ANXA4: variants seen among roughly 807,000 people sequenced by gnomAD.
The protein encoded by ANXA4 is annexin A4, also known as 35-beta calcimedin.
Under a neutral mutation model 49.8 loss-of-function variants are expected in ANXA4, and 39 were observed. That is an observed-to-expected ratio of 0.78 (90% CI 0.61 to 1.02). ANXA4 has a LOEUF of 1.02. Ranked by LOEUF, ANXA4 falls within the 50% of genes least tolerant of loss-of-function variation. The pLI is 0.00. For missense variants in ANXA4, 360 were observed against 410.1 expected (o/e 0.88, Z 1.05); for synonymous variants, 134 against 152.5 (o/e 0.88, Z 0.89).
At chr2:69,768,478 G>C (rs1293064496) in intron 1 of ANXA4, among the ~76,000 whole-genome samples, 1 of 152,158 alleles carries the variant, frequency 6.6e-6, no homozygotes, top group East Asian at 1.9e-4. Flanking sequence ...CATCTCTGTA[G>C]CTTCCAGGAT....
chr2:69,650,011 C>G (rs978844641), intron 1 of ANXA4, among the ~76,000 whole-genome samples: 5 of 138,672 alleles, frequency 3.6e-5, no homozygotes, highest in African/African-American at 1.4e-4. Flanking sequence ...TCTCGGCTGA[C>G]TGCAGCCACC....
intron 8 of ANXA4, among the ~76,000 whole-genome samples, chr2:69,813,437 G>T (rs964576863): frequency 6.6e-6 from 1 of 152,106 alleles, no homozygotes; most frequent in South Asian, 2.1e-4. Context: ...TTTTAGTAGA[G>T]ACGGGTTTTC....
intron 3 of ANXA4, among the ~76,000 whole-genome samples, chr2:69,730,864 G>T (rs1007987344): frequency 2.6e-5 from 4 of 152,158 alleles, no homozygotes; most frequent in Non-Finnish European, 5.9e-5. Flanking sequence ...ATGTAGGAAC[G>T]GGAGGAGGCA....
chr2:69,763,720 T>G (rs1671388130), intron 1 of ANXA4, among the ~76,000 whole-genome samples: 1 of 151,144 alleles, frequency 6.6e-6, no homozygotes, highest in Admixed American at 6.6e-5. Flanking sequence ...TGGAGTGCAG[T>G]GGCGTGATCT....
rs372749631 is a variant in ANXA4 at position 69,648,820 on chromosome 2, C to CAA, written n.481+3936_481+3937dup. Among the ~76,000 whole-genome samples, 330 of 44,478 alleles carry CAA rather than the reference C, an allele frequency of 7.4e-3. 11 individuals are homozygous for CAA. Among genetic ancestry groups the CAA allele is most frequent in the African/African-American group, 0.026 (299 of 11,592 alleles). The allele number at this position is 44,478 out of a possible 152,430, so 29.2% of individuals were successfully genotyped here. ...GGGGAGACAGAGTAAGACTCAGTCTCAAAAAAAAAAAAAAAAAAAAAAGAC... is the reference window on the plus strand; with the variant it reads ...GGGGAGACAGAGTAAGACTCAGTCTCAAAAAAAAAAAAAAAAAAAAAAAAGAC... On this transcript the variant is annotated intron_variant and non_coding_transcript_variant, in intron 1 of 3. Coordinates refer to the ANXA4 transcript ENST00000418066.
At chr2:69,763,929 G>A (rs909101342) in intron 1 of ANXA4, among the ~76,000 whole-genome samples, 1 of 152,076 alleles carries the variant, frequency 6.6e-6, no homozygotes, top group Non-Finnish European at 1.5e-5. Context: ...CCAAAGTGCT[G>A]GGATTACAGA....
intron 1 of ANXA4, among the ~76,000 whole-genome samples, chr2:69,756,939 T>C (rs1251496665): frequency 1.3e-5 from 2 of 149,934 alleles, no homozygotes; most frequent in Non-Finnish European, 3.0e-5. Context: ...TTATTATTTT[T>C]TTTTTTTAGA....
chr2:69,765,512 T>C (rs1363235074), intron 1 of ANXA4, among the ~76,000 whole-genome samples: 2 of 152,186 alleles, frequency 1.3e-5, no homozygotes, highest in Non-Finnish European at 2.9e-5. Context: ...AACATTTTCA[T>C]CACCCCTTGA....
intron 1 of ANXA4, among the ~76,000 whole-genome samples, chr2:69,764,053 G>A (rs2105533910): frequency 6.6e-6 from 1 of 152,234 alleles, no homozygotes; most frequent in East Asian, 1.9e-4. Context: ...GCCAACCTTG[G>A]AATTTGGTCT....
chr2:69,730,867 A>C (rs1386508803), intron 3 of ANXA4, among the ~76,000 whole-genome samples: 1 of 152,292 alleles, frequency 6.6e-6, no homozygotes, highest in African/African-American at 2.4e-5. Context: ...TAGGAACGGG[A>C]GGAGGCACTA....
At chr2:69,806,360 G>A (rs1673441449) in intron 4 of ANXA4, 25 bp from the exon 5 acceptor site, 1 of 1,549,762 alleles carries the variant, frequency 6.5e-7, no homozygotes, top group African/African-American at 1.4e-5. Context: ...TAGCAGTTAA[G>A]CGGAGCTACT....
At chr2:69,768,423 T>C (rs1671579794) in intron 1 of ANXA4, among the ~76,000 whole-genome samples, 2 of 152,112 alleles carry the variant, frequency 1.3e-5, no homozygotes, top group Admixed American at 1.3e-4. Context: ...GAGAGGACCA[T>C]TGAGAAAGGT....
At position 69,656,551 on chromosome 2, in the gene ANXA4, C is replaced by CTTTTTTT. The variant is rs34322550; in HGVS notation, n.766+3282_766+3288dup. On this transcript the variant is annotated intron_variant and non_coding_transcript_variant, in intron 2 of 3. Transcript: ENST00000418066. The stretch of plus-strand genomic sequence containing the variant: ...ACATATTTTCCAAATACAGTAGTTC[C>CTTTTTTT]TTTTTTTTTTTTTTTTTTTGAGATG... 3.8e-5 allele frequency among the ~76,000 whole-genome samples: 4 copies of CTTTTTTT among 103,998 alleles called. 1 individual carries two copies. Among genetic ancestry groups the CTTTTTTT allele is most frequent in the African/African-American group, 1.2e-4 (3 of 25,774 alleles). The allele number at this position is 103,998 out of a possible 152,430, so 68.2% of individuals were successfully genotyped here.
intron 6 of ANXA4, 80 bp downstream of exon 6, chr2:69,808,076 G>A: frequency 7.3e-7 from 1 of 1,360,984 alleles, no homozygotes; most frequent in East Asian, 2.3e-5. Context: ...GTTGTTTGCT[G>A]ATTAGACTTT....
At chr2:69,752,687 C>T (rs1164532895) in intron 1 of ANXA4, among the ~76,000 whole-genome samples, 1 of 152,220 alleles carries the variant, frequency 6.6e-6, no homozygotes, top group Non-Finnish European at 1.5e-5. Flanking sequence ...GACGATGCAG[C>T]CCCCTCTGGC....
chr2:69,663,131 T>C (rs1346326335), intron 2 of ANXA4, among the ~76,000 whole-genome samples: 2 of 150,246 alleles, frequency 1.3e-5, no homozygotes, highest in African/African-American at 4.9e-5. Context: ...TAGCTGGGAC[T>C]ACAGGCGCCC....
At chr2:69,655,211 A>G (rs1275718274) in intron 2 of ANXA4, among the ~76,000 whole-genome samples, 1 of 152,204 alleles carries the variant, frequency 6.6e-6, no homozygotes, top group African/African-American at 2.4e-5. Flanking sequence ...TCTGCACAGC[A>G]AAAGAAACTG....
intron 1 of ANXA4, among the ~76,000 whole-genome samples, chr2:69,779,564 C>G (rs570452250): frequency 9.2e-5 from 14 of 152,332 alleles, no homozygotes; most frequent in African/African-American, 3.4e-4. Flanking sequence ...GTCTCTCAAG[C>G]CTTCTTAACT....
At chr2:69,794,202 T>C (rs886549163) in intron 3 of ANXA4, among the ~76,000 whole-genome samples, 3 of 152,200 alleles carry the variant, frequency 2.0e-5, no homozygotes, top group African/African-American at 7.2e-5. Context: ...GAGGCAATTG[T>C]TTGTCAGCCA....
Sources: allele counts gnomAD v4.1 joint callset (sites outside exome capture counted in the v4.1 genomes callset), GRCh38; gene constraint gnomAD v4.1.1; transcripts MANE v1.5; gene names NCBI Gene and HGNC (gene_info 2026-07-23, HGNC 2026-07-21).